MAGI2: variants seen among roughly 807,000 people sequenced by gnomAD.
MAGI2 encodes the protein membrane-associated guanylate kinase, WW and PDZ domain-containing protein 2.
A neutral mutation model predicts 133.3 loss-of-function variants in MAGI2; 35 were observed. The observed-to-expected ratio is 0.26, with a 90% CI of 0.20 to 0.35. MAGI2 has a LOEUF of 0.35. MAGI2 is among the 10% of genes least tolerant of loss of function. The pLI, the probability that MAGI2 is intolerant of heterozygous loss-of-function variation, is 1.00. For missense variants in MAGI2, 1,636 were observed against 1,863.4 expected (o/e 0.88, Z 2.25); for synonymous variants, 729 against 710.6 (o/e 1.03, Z -0.41).
At chr7:78,136,929 C>T (rs1763293254) in intron 16 of MAGI2, among the ~76,000 whole-genome samples, 1 of 152,126 alleles carries the variant, frequency 6.6e-6, no homozygotes, top group South Asian at 2.1e-4. Flanking sequence ...AGCCTGTGTC[C>T]CTGAAGTGAA....
rs768765357 is a variant in MAGI2, at chr7:78,501,593, C to T, written c.949G>A (p.Glu317Lys). Residue 317 changes from glutamate to lysine, a missense_variant, in exon 5 of 22, where the codon GAA becomes AAA. Around this residue, in one of 5 missense-constraint regions of MAGI2, gnomAD observed 920 missense variants for 1,093.5 expected, o/e 0.84. Coordinates refer to ENST00000354212, the MANE Select transcript of MAGI2 (RefSeq NM_012301.4). ...GAAACTCACTCAATGAAGTAGACTT[C>T]GCCCTTCTCTGTATAGGCCATTTCC... ...NWEMAYTEKG[E>K]VYFIDHNTKT... The T allele has an allele frequency of 1.7e-5, 27 of 1,612,916 alleles. No homozygotes were observed. The highest frequency in any genetic ancestry group is 1.9e-5 in the Non-Finnish European group (23 of 1,179,826).
chr7:79,093,666 A>ATTTCTT (rs1341893597), intron 1 of MAGI2, among the ~76,000 whole-genome samples: 1 of 142,398 alleles, frequency 7.0e-6, no homozygotes, highest in Non-Finnish European at 1.5e-5. Flanking sequence ...TGCTGTGGCA[A>ATTTCTT]TTTCTTTTTC....
intron 2 of MAGI2, among the ~76,000 whole-genome samples, chr7:78,830,664 A>G (rs563647367): frequency 6.6e-6 from 1 of 152,284 alleles, no homozygotes; most frequent in African/African-American, 2.4e-5. Flanking sequence ...ACACATTACA[A>G]TGAAAAAAAA....
intron 9 of MAGI2, among the ~76,000 whole-genome samples, chr7:78,298,512 G>C (rs547084911): frequency 1.3e-5 from 2 of 152,260 alleles, no homozygotes; most frequent in South Asian, 4.1e-4. Flanking sequence ...ATCCAAAACT[G>C]TTATTGTGTT....
chr7:78,928,239 T>A (rs1490112788), intron 2 of MAGI2, among the ~76,000 whole-genome samples: 1 of 151,944 alleles, frequency 6.6e-6, no homozygotes, highest in Non-Finnish European at 1.5e-5. Flanking sequence ...AAAGAAAAAT[T>A]ACTTAAGTGT....
chr7:78,880,422 C>T (rs1795756280), intron 2 of MAGI2, among the ~76,000 whole-genome samples: 1 of 152,084 alleles, frequency 6.6e-6, no homozygotes. Flanking sequence ...GGCCTATTTT[C>T]AGCATTATTA....
At chr7:79,360,677 C>A (rs1044192543) in intron 1 of MAGI2, among the ~76,000 whole-genome samples, 1 of 151,902 alleles carries the variant, frequency 6.6e-6, no homozygotes, top group Non-Finnish European at 1.5e-5. Context: ...TATTGTAACA[C>A]CCAGAGCAGC....
At chr7:78,631,021 C>T (rs1012657376) in intron 2 of MAGI2, among the ~76,000 whole-genome samples, 1 of 152,034 alleles carries the variant, frequency 6.6e-6, no homozygotes, top group African/African-American at 2.4e-5. Context: ...TGGTCTCCAT[C>T]CTCATGGTGG....
intron 9 of MAGI2, among the ~76,000 whole-genome samples, chr7:78,297,330 C>A (rs1416821958): frequency 2.0e-5 from 3 of 152,016 alleles, no homozygotes; most frequent in Non-Finnish European, 4.4e-5. Context: ...CAGGAAACAA[C>A]AGGTGCTGGA....
intron 6 of MAGI2, among the ~76,000 whole-genome samples, chr7:78,398,303 G>T (rs1471686653): frequency 6.6e-6 from 1 of 152,064 alleles, no homozygotes; most frequent in African/African-American, 2.4e-5. Context: ...TTTTTGTCTG[G>T]ATCTGGAGGA....
At chr7:78,242,353 G>A (rs748486668) in intron 10 of MAGI2, among the ~76,000 whole-genome samples, 11 of 152,216 alleles carry the variant, frequency 7.2e-5, no homozygotes, top group Non-Finnish European at 1.6e-4. Flanking sequence ...CTGCATGGAG[G>A]GGAGGTGCTC....
At position 78,367,508 on chromosome 7, in the gene MAGI2, T is replaced by C. The variant is rs530520188; in HGVS notation, c.1103+1648A>G. 7.9e-5 allele frequency among the ~76,000 whole-genome samples: 12 copies of C among 152,346 alleles called. No homozygotes were observed. In the East Asian group the frequency reaches 1.7e-3, roughly 22 times the overall value. ...ATTGGAACGTAGCTGATGTTGCTGA[T>C]GGTTGCTTTCAAGCTACAACAGCAG... On this transcript the variant is annotated intron_variant, in intron 7 of 21. Transcript: ENST00000354212.
intron 1 of MAGI2, among the ~76,000 whole-genome samples, chr7:79,440,124 G>A (rs1480904479): frequency 6.6e-6 from 1 of 151,338 alleles, no homozygotes; most frequent in Non-Finnish European, 1.5e-5. Flanking sequence ...TCCTTCCTGG[G>A]ATCCCCTGGC....
At chr7:79,045,647 C>T (rs1354813715) in intron 1 of MAGI2, among the ~76,000 whole-genome samples, 1 of 152,102 alleles carries the variant, frequency 6.6e-6, no homozygotes. Context: ...AAAAAATTAG[C>T]CGGGCCTGGT....
chr7:78,195,112 C>A (rs1264955943), intron 11 of MAGI2, 49 bp from the exon 12 acceptor site: 16 of 1,486,334 alleles, frequency 1.1e-5, no homozygotes, highest in Non-Finnish European at 1.4e-5. Flanking sequence ...TTCTTCCTGG[C>A]TATTTCTCTT....
At chr7:78,994,164 C>A (rs1238061515) in intron 2 of MAGI2, among the ~76,000 whole-genome samples, 1 of 152,112 alleles carries the variant, frequency 6.6e-6, no homozygotes, top group Non-Finnish European at 1.5e-5. Flanking sequence ...CACTGAGTCT[C>A]AAGTGACAGC....
intron 3 of MAGI2, among the ~76,000 whole-genome samples, chr7:78,620,269 CTCTT>C (rs1459520843): frequency 2.6e-5 from 4 of 151,998 alleles, no homozygotes; most frequent in Non-Finnish European, 5.9e-5. Flanking sequence ...TTATGAGTAT[CTCTT>C]TATCACCCAA....
intron 2 of MAGI2, among the ~76,000 whole-genome samples, chr7:78,882,874 A>T (rs149092665): frequency 1.3e-5 from 2 of 152,254 alleles, no homozygotes; most frequent in East Asian, 3.9e-4. Context: ...AATAAGAGCC[A>T]TCTATGACAA....
chr7:78,467,382 A>T (rs1042859282), intron 6 of MAGI2, among the ~76,000 whole-genome samples: 1 of 152,158 alleles, frequency 6.6e-6, no homozygotes, highest in Non-Finnish European at 1.5e-5. Flanking sequence ...TTCACTGATC[A>T]GAACTAATTG....
Sources: allele counts gnomAD v4.1 joint callset (sites outside exome capture counted in the v4.1 genomes callset), GRCh38; gene constraint gnomAD v4.1.1; regional missense constraint gnomAD v4.1.1; transcripts MANE v1.5; gene names NCBI Gene and HGNC (gene_info 2026-07-23, HGNC 2026-07-21).